COPG2: variants seen among roughly 807,000 people sequenced by gnomAD.
COPG2 encodes the protein coatomer subunit gamma-2.
COPG2 carries 37 observed loss-of-function variants against 46.3 expected under a neutral mutation model. The observed-to-expected ratio is 0.80, with a 90% confidence interval of 0.61 to 1.05. COPG2 has a LOEUF of 1.05. Ranked by LOEUF, COPG2 falls within the 50% of genes least tolerant of loss-of-function variation. The pLI, the probability that COPG2 is intolerant of heterozygous loss-of-function variation, is 0.00. For missense variants in COPG2, 427 were observed against 387.8 expected (o/e 1.10, Z -0.85); for synonymous variants, 159 against 129.7 (o/e 1.23, Z -1.53).
At chr7:130,596,617 A>G (rs551462040) in intron 9 of COPG2, among the ~76,000 whole-genome samples, 1 of 152,254 alleles carries the variant, frequency 6.6e-6, no homozygotes, top group East Asian at 1.9e-4. Context: ...GGGAACATGG[A>G]CAACTGTCTC....
rs548100384 is a variant in COPG2 at position 130,661,334 on chromosome 7, TG to T, written c.243+1632del. On this transcript the variant is annotated intron_variant, in intron 4 of 23. Coordinates refer to ENST00000425248, the MANE Select transcript of COPG2 (RefSeq NM_012133.6). ...GTAACAGCAGCCTTGGGAAGACACCTGGCTGCAAAAACAAAGCCACAAAAGA... is the reference window on the plus strand; with the variant it reads ...GTAACAGCAGCCTTGGGAAGACACCTGCTGCAAAAACAAAGCCACAAAAGA... Among the ~76,000 whole-genome samples, 481 of 152,352 alleles carry T rather than the reference TG, an allele frequency of 3.2e-3. 2 individuals carry two copies. The highest frequency in any genetic ancestry group is 0.01 in the Middle Eastern group (3 of 294).
At chr7:130,569,522 T>C (rs1793858603) in intron 9 of COPG2, among the ~76,000 whole-genome samples, 1 of 151,472 alleles carries the variant, frequency 6.6e-6, no homozygotes, top group African/African-American at 2.4e-5. Flanking sequence ...AAATAGAAAC[T>C]CTGAACAGAC....
chr7:130,651,492 G>GTTTT (rs1795740990), intron 5 of COPG2, among the ~76,000 whole-genome samples: 2 of 30,778 alleles, frequency 6.5e-5, no homozygotes, highest in Non-Finnish European at 1.4e-4. Flanking sequence ...TAATTTTTTT[G>GTTTT]TATTTTTTTT....
intron 9 of COPG2, among the ~76,000 whole-genome samples, chr7:130,588,567 G>A (rs1395124066): frequency 6.6e-6 from 1 of 152,150 alleles, no homozygotes; most frequent in East Asian, 1.9e-4. Context: ...AACACCGCAT[G>A]TTCTTGCTCA....
chr7:130,557,594 G>A (rs2116396371), intron 12 of COPG2, among the ~76,000 whole-genome samples: 1 of 151,962 alleles, frequency 6.6e-6, no homozygotes, highest in Non-Finnish European at 1.5e-5. Flanking sequence ...ATCACCTGAG[G>A]TCAGGAGCTC....
chr7:130,609,977 T>G (rs1289807348), intron 9 of COPG2: 1 of 469,576 alleles, frequency 2.1e-6, no homozygotes, highest in Non-Finnish European at 4.1e-6. Context: ...TGGTGTTCAC[T>G]TTAGAGAAGT....
At chr7:130,666,663 C>T (rs1270624332) in intron 3 of COPG2, among the ~76,000 whole-genome samples, 186 bp downstream of exon 3, 1 of 152,166 alleles carries the variant, frequency 6.6e-6, no homozygotes, top group Non-Finnish European at 1.5e-5. Context: ...AGAAGGTATA[C>T]TCAACCTGTA....
Position 130,612,026 on chromosome 7 carries a change from AC to A in COPG2, c.579+125del. 4.4e-6 allele frequency: 3 copies of A among 680,892 alleles called. No homozygotes were observed. The East Asian group carries it at 8.3e-5, about 19-fold the overall frequency. 42.2% of individuals were successfully genotyped at this position (680,892 alleles called of 1,614,324 possible). The stretch of plus-strand genomic sequence containing the variant: ...ATTAGTGAGATTCCTACTTCAGAAT[AC>A]GTACTAGTAGCTGCTTAATTTGCCT... On this transcript the variant is annotated intron_variant, in intron 8 of 23. Coordinates refer to ENST00000425248, the MANE Select transcript of COPG2 (RefSeq NM_012133.6).
chr7:130,635,540 T>TC (rs1795319365), intron 5 of COPG2, among the ~76,000 whole-genome samples: 1 of 99,252 alleles, frequency 1.0e-5, no homozygotes, highest in Non-Finnish European at 2.5e-5. Context: ...TGTATTTCTG[T>TC]GGGATCAGTG....
intron 9 of COPG2, among the ~76,000 whole-genome samples, chr7:130,571,745 T>G (rs373311582): frequency 9.7e-4 from 148 of 152,132 alleles, no homozygotes; most frequent in African/African-American, 3.2e-3. Context: ...ACTTGCACAC[T>G]CATGTTTATA....
chr7:130,654,495 T>C (rs1353174097), intron 4 of COPG2, among the ~76,000 whole-genome samples: 1 of 152,122 alleles, frequency 6.6e-6, no homozygotes, highest in Non-Finnish European at 1.5e-5. Context: ...TAAGTCACAA[T>C]GAGCAAACAA....
chr7:130,593,682 T>C (rs1420255539), intron 9 of COPG2, among the ~76,000 whole-genome samples: 1 of 152,086 alleles, frequency 6.6e-6, no homozygotes, highest in Non-Finnish European at 1.5e-5. Flanking sequence ...GACACATATT[T>C]CAACTAATGG....
At chr7:130,511,615 G>C in intron 20 of COPG2, 1 of 518,478 alleles carries the variant, frequency 1.9e-6, no homozygotes, top group Non-Finnish European at 3.9e-6. Flanking sequence ...CACATCAACA[G>C]GAAGGTAAGA....
Position 130,595,321 on chromosome 7 carries a change from CA to C in COPG2, c.737+15631del, listed in dbSNP as rs570904441. On this transcript the variant is annotated intron_variant, in intron 9 of 23. Coordinates refer to ENST00000425248, the MANE Select transcript of COPG2 (RefSeq NM_012133.6). ...TGTCCAGAACAGGCAAATCCAGAGACAAAAAAATGGATTTGTATTTTCCAGG... is the reference window on the plus strand; with the variant it reads ...TGTCCAGAACAGGCAAATCCAGAGACAAAAAATGGATTTGTATTTTCCAGG... 3.3e-5 allele frequency among the ~76,000 whole-genome samples: 5 copies of C among 152,018 alleles called. No individual in the cohort carries two copies. The South Asian group carries it at 1.0e-3, about 32-fold the overall frequency.
At chr7:130,661,256 T>C (rs971706560) in intron 4 of COPG2, among the ~76,000 whole-genome samples, 8 of 152,312 alleles carry the variant, frequency 5.3e-5, no homozygotes, top group Non-Finnish European at 1.0e-4. Flanking sequence ...CTTACTCTGC[T>C]TCCTTTTCTC....
chr7:130,664,508 A>G (rs1415892642), intron 3 of COPG2, among the ~76,000 whole-genome samples: 1 of 152,248 alleles, frequency 6.6e-6, no homozygotes, highest in East Asian at 1.9e-4. Context: ...ACACATGGAT[A>G]TGTCAACTCT....
At chr7:130,658,304 TATG>T (rs1196826003) in intron 4 of COPG2, among the ~76,000 whole-genome samples, 1 of 152,178 alleles carries the variant, frequency 6.6e-6, no homozygotes, top group Non-Finnish European at 1.5e-5. Flanking sequence ...CTTCATACAG[TATG>T]ATATCATTCA....
chr7:130,549,043 C>CAAAAAAAA (rs1284034360), intron 18 of COPG2, among the ~76,000 whole-genome samples: 5 of 110,622 alleles, frequency 4.5e-5, no homozygotes, highest in South Asian at 3.0e-4. Context: ...AAGCAAAAAG[C>CAAAAAAAA]AAAAAAAAAA....
chr7:130,523,082 C>CACT (rs1799738462), intron 20 of COPG2, among the ~76,000 whole-genome samples: 1 of 124,360 alleles, frequency 8.0e-6, no homozygotes, highest in African/African-American at 3.0e-5. Context: ...CGCACCACTG[C>CACT]ACTCCAGCCT....
Sources: allele counts gnomAD v4.1 joint callset (sites outside exome capture counted in the v4.1 genomes callset), GRCh38; gene constraint gnomAD v4.1.1; transcripts MANE v1.5; gene names NCBI Gene and HGNC (gene_info 2026-07-23, HGNC 2026-07-21).